Variants in RECK observed in about 807,000 individuals in gnomAD.
The protein encoded by RECK is reversion-inducing cysteine-rich protein with Kazal motifs.
RECK carries 69 observed loss-of-function variants against 115.1 expected under a neutral mutation model. The ratio of observed to expected loss-of-function variants is 0.60; its 90% CI spans 0.49 to 0.73. The LOEUF is 0.73. Among genes scored for constraint, RECK ranks in the 30% least tolerant of loss-of-function variants. The probability of loss-of-function intolerance (pLI) is 0.00; values close to 1 mark genes in which losing one functional copy is unlikely to be tolerated. For synonymous variants in RECK, 414 were observed against 419.7 expected, an observed-to-expected ratio of 0.99 and a Z score of 0.17; for missense variants, 1,047 against 1,203.7, an observed-to-expected ratio of 0.87 and a Z score of 1.93.
intron 8 of RECK, among the ~76,000 whole-genome samples, chr9:36,083,807 T>C (rs542487507): frequency 5.3e-4 from 80 of 152,320 alleles, no homozygotes; most frequent in South Asian, 2.5e-3. Context: ...TTCACTGATA[T>C]GGATTTTTTA....
At chr9:36,085,126 T>C (rs1438255180) in intron 8 of RECK, 3 of 173,598 alleles carry the variant, frequency 1.7e-5, no homozygotes, top group Non-Finnish European at 2.6e-5. Context: ...TATAGTGTGA[T>C]ATATTTTTAG....
intron 6 of RECK, among the ~76,000 whole-genome samples, chr9:36,070,543 GTTTC>G (rs1822187099): frequency 6.6e-6 from 1 of 151,676 alleles, no homozygotes; most frequent in African/African-American, 2.4e-5. Context: ...AGAGAGCTGA[GTTTC>G]TTTAGGGAAC....
Position 36,074,600 on chromosome 9 carries a change from A to G in RECK, c.406-6005A>G, listed in dbSNP as rs2209336. Among the ~76,000 whole-genome samples the G allele has an allele frequency of 3.8e-3, 583 of 152,360 alleles. 4 individuals carry two copies. The highest frequency in any genetic ancestry group is 0.014 in the African/African-American group (562 of 41,580). On this transcript the variant is annotated intron_variant, in intron 6 of 20. Coordinates refer to ENST00000377966, the MANE Select transcript of RECK (RefSeq NM_021111.3). ...GCTGTTGCCTGTAACAAAGTGCTACAGTCAGTACTTTTATAGATAGAAAAA... is the reference window on the plus strand; with the variant it reads ...GCTGTTGCCTGTAACAAAGTGCTACGGTCAGTACTTTTATAGATAGAAAAA...
intron 10 of RECK, among the ~76,000 whole-genome samples, chr9:36,099,224 TCAACAA>T (rs60403523): frequency 0.087 from 12,720 of 146,888 alleles, 566 homozygotes; most frequent in African/African-American, 0.1. Context: ...AGAACCTGTC[TCAACAA>T]CAACAACAAC....
At chr9:36,073,913 G>C (rs1248719523) in intron 6 of RECK, among the ~76,000 whole-genome samples, 1 of 152,170 alleles carries the variant, frequency 6.6e-6, no homozygotes, top group Non-Finnish European at 1.5e-5. Context: ...AGGGAGTACT[G>C]CTTGTTAAAT....
At chr9:36,090,759 T>C (rs1459299486) in intron 9 of RECK, among the ~76,000 whole-genome samples, 1 of 152,208 alleles carries the variant, frequency 6.6e-6, no homozygotes, top group Admixed American at 6.5e-5. Context: ...CATGTCCTAG[T>C]TTTACCGTCT....
intron 6 of RECK, among the ~76,000 whole-genome samples, chr9:36,067,316 G>A (rs1243136421): frequency 1.3e-5 from 2 of 152,118 alleles, no homozygotes; most frequent in Non-Finnish European, 2.9e-5. Context: ...TGATCCCTGG[G>A]ATGAACTTGT....
At position 36,122,892 on chromosome 9, in the gene RECK, G is replaced by A. The variant is rs570150108; in HGVS notation, c.2763G>A (p.Ala921=). The A allele has an allele frequency of 2.4e-5, 38 of 1,614,186 alleles. No individual in the cohort carries two copies. The highest frequency in any genetic ancestry group is 5.3e-5 in the African/African-American group (4 of 75,028). The change falls in exon 21 of 21, where the codon GCG becomes GCA. Residue 921 remains alanine, a synonymous_variant. Transcript: ENST00000377966. ...TCAACTCTGACAGCCCGACTTTGGCGTCCCATGTCCCTCTCTCTGCCCTCA... is the reference window on the plus strand; with the variant it reads ...TCAACTCTGACAGCCCGACTTTGGCATCCCATGTCCCTCTCTCTGCCCTCA... ...SLINSDSPTL[A]SHVPLSALII...
intron 8 of RECK, chr9:36,086,339 G>A (rs1822958503): frequency 6.5e-6 from 1 of 152,816 alleles, no homozygotes; most frequent in African/African-American, 2.4e-5. Context: ...CTGACTTCAA[G>A]AGTGAAGCCA....
At chr9:36,121,363 T>C (rs974818176) in intron 19 of RECK, among the ~76,000 whole-genome samples, 170 bp from the exon 20 acceptor site, 1 of 152,182 alleles carries the variant, frequency 6.6e-6, no homozygotes, top group Non-Finnish European at 1.5e-5. Flanking sequence ...CAAAACCCCA[T>C]TGTGATGGAC....
chr9:36,040,827 A>G (rs1820840688), intron 1 of RECK, among the ~76,000 whole-genome samples: 2 of 151,980 alleles, frequency 1.3e-5, no homozygotes, highest in Admixed American at 1.3e-4. Context: ...TTTTTTAATC[A>G]TGAGCAATTT....
At chr9:36,087,590 T>A (rs889903283) in intron 8 of RECK, 104 bp from the exon 9 acceptor site, 2 of 1,177,740 alleles carry the variant, frequency 1.7e-6, no homozygotes, top group Non-Finnish European at 2.4e-6. Context: ...TGTATACCTA[T>A]GTAACAAATC....
intron 19 of RECK, 60 bp downstream of exon 19, chr9:36,120,796 TAG>T (rs1554711016): frequency 9.8e-6 from 11 of 1,127,100 alleles, no homozygotes; most frequent in Non-Finnish European, 1.5e-5. Flanking sequence ...TCAGTAATCC[TAG>T]AGAGTAGAAT....
chr9:36,067,662 G>A (rs534546718), intron 6 of RECK, among the ~76,000 whole-genome samples: 33 of 152,202 alleles, frequency 2.2e-4, no homozygotes, highest in Middle Eastern at 3.4e-3. Context: ...TGAATACTTA[G>A]AGTTTTATAT....
intron 1 of RECK, among the ~76,000 whole-genome samples, chr9:36,045,871 G>A (rs1297139359): frequency 6.6e-6 from 1 of 151,992 alleles, no homozygotes; most frequent in Non-Finnish European, 1.5e-5. Context: ...GAAACTCGAT[G>A]TTTCTAATTA....
intron 2 of RECK, chr9:36,057,082 A>G (rs1457377921): frequency 1.5e-5 from 14 of 917,434 alleles, no homozygotes; most frequent in Non-Finnish European, 1.7e-5. Context: ...TTGTAATTGC[A>G]TAACGTCCTA....
chr9:36,062,619 A>G (rs1821821974), intron 4 of RECK, among the ~76,000 whole-genome samples: 1 of 152,002 alleles, frequency 6.6e-6, no homozygotes, highest in Non-Finnish European at 1.5e-5. Flanking sequence ...TTTGGACTAC[A>G]GGTGTGTGCC....
chr9:36,112,226 A>G, intron 15 of RECK, 79 bp from the exon 16 acceptor site: 1 of 1,366,616 alleles, frequency 7.3e-7, no homozygotes, highest in Non-Finnish European at 1.0e-6. Context: ...ATGATTGCTC[A>G]TGGTTTGCCT....
At chr9:36,052,885 T>G (rs909304878) in intron 2 of RECK, among the ~76,000 whole-genome samples, 27 of 152,184 alleles carry the variant, frequency 1.8e-4, no homozygotes, top group African/African-American at 6.3e-4. Context: ...GATAAATTGG[T>G]AAAATTTGAA....
Sources: allele counts gnomAD v4.1 joint callset (sites outside exome capture counted in the v4.1 genomes callset), GRCh38; gene constraint gnomAD v4.1.1; transcripts MANE v1.5; gene names NCBI Gene and HGNC (gene_info 2026-07-23, HGNC 2026-07-21).